NSUN6: variants seen among roughly 807,000 people sequenced by gnomAD.
The protein encoded by NSUN6 is NOP2/Sun RNA methyltransferase 6, also known as tRNA (cytosine(72)-C(5))-methyltransferase NSUN6.
Under a neutral mutation model 58.0 loss-of-function variants are expected in NSUN6, and 64 were observed. The ratio of observed to expected loss-of-function variants is 1.10; its 90% CI spans 0.90 to 1.36. NSUN6 has a LOEUF of 1.36. NSUN6 is among the 40% of genes most tolerant of loss of function. The pLI, the probability that NSUN6 is intolerant of heterozygous loss-of-function variation, is 0.00. For missense variants in NSUN6, 701 were observed against 550.1 expected (o/e 1.27, Z -2.74); for synonymous variants, 231 against 193.9 (o/e 1.19, Z -1.59).
intron 6 of NSUN6, among the ~76,000 whole-genome samples, chr10:18,602,600 C>T (rs1189209162): frequency 6.6e-6 from 1 of 151,906 alleles, no homozygotes; most frequent in African/African-American, 2.4e-5. Flanking sequence ...GAACTCCTGA[C>T]CTCAAGTGAT....
intron 3 of NSUN6, among the ~76,000 whole-genome samples, chr10:18,623,140 T>C (rs1025467368): frequency 3.3e-5 from 5 of 152,196 alleles, no homozygotes; most frequent in African/African-American, 1.2e-4. Flanking sequence ...AAAATTTTAT[T>C]TTAAATTTCA....
In NSUN6 at chr10:18,616,211, C is replaced by T; in HGVS notation, c.394G>A (p.Ala132Thr). 4 of 1,594,490 alleles carry T rather than the reference C, an allele frequency of 2.5e-6. No individual in the cohort carries two copies. Among genetic ancestry groups the T allele is most frequent in the Non-Finnish European group, 3.4e-6 (4 of 1,162,256 alleles). ...NAVLRGAHVY[A>T]PGIVSASQFM... ...TGTGATGCTGACACAATTCCTGGGG[C>T]ATAGACATGGGCTCCTCTTAAAACT... Residue 132 changes from alanine to threonine, a missense_variant, in exon 4 of 11, where the codon GCC becomes ACC. Transcript: ENST00000377304.
chr10:18,548,923 T>C (rs2054446520), intron 9 of NSUN6, among the ~76,000 whole-genome samples: 1 of 152,156 alleles, frequency 6.6e-6, no homozygotes, highest in South Asian at 2.1e-4. Flanking sequence ...GGCTCTACCT[T>C]CACATTCTAG....
intron 8 of NSUN6, among the ~76,000 whole-genome samples, 174 bp from the exon 9 acceptor site, chr10:18,552,145 ATGTGGTAGAAAGGTTT>A (rs1399548000): frequency 4.1e-5 from 6 of 147,670 alleles, no homozygotes; most frequent in African/African-American, 1.5e-4. Context: ...TACAGATTTG[ATGTGGTAGAAAGGTTT>A]AAAATGTAGT....
At chr10:18,620,083 T>C (rs1699780486) in intron 3 of NSUN6, among the ~76,000 whole-genome samples, 1 of 115,170 alleles carries the variant, frequency 8.7e-6, no homozygotes, top group Non-Finnish European at 1.8e-5. Flanking sequence ...TTTTTACTAA[T>C]AAAAAAAATT....
intron 8 of NSUN6, among the ~76,000 whole-genome samples, chr10:18,564,017 T>C (rs559153941): frequency 6.6e-6 from 1 of 150,858 alleles, no homozygotes; most frequent in Admixed American, 6.6e-5. Flanking sequence ...TTCCATTCTA[T>C]TCTCCATTAC....
chr10:18,651,233 G>T lies in NSUN6; in HGVS notation c.-30C>A. ...CCTGTTGTTTAGTTCTCCACCAAGAGAAATGCTGGAAAACGGTGTTTTGTT... is the reference window on the plus strand; with the variant it reads ...CCTGTTGTTTAGTTCTCCACCAAGATAAATGCTGGAAAACGGTGTTTTGTT... On this transcript the variant is annotated 5_prime_UTR_variant, in exon 1 of 11. Coordinates refer to ENST00000377304, the MANE Select transcript of NSUN6 (RefSeq NM_182543.5). 1.3e-6 allele frequency: 2 copies of T among 1,514,918 alleles called. No individual in the cohort carries two copies. Among genetic ancestry groups the T allele is most frequent in the Non-Finnish European group, 8.8e-7 (1 of 1,137,488 alleles). The allele number at this position is 1,514,918 out of a possible 1,614,324, so 93.8% of individuals were successfully genotyped here.
intron 7 of NSUN6, among the ~76,000 whole-genome samples, chr10:18,589,845 A>G (rs1290646443): frequency 6.6e-6 from 1 of 152,236 alleles, no homozygotes; most frequent in Non-Finnish European, 1.5e-5. Flanking sequence ...AAGAAACTGC[A>G]TCAACTAACG....
chr10:18,597,709 T>C (rs1043981967), intron 6 of NSUN6, among the ~76,000 whole-genome samples: 1 of 152,102 alleles, frequency 6.6e-6, no homozygotes, highest in African/African-American at 2.4e-5. Flanking sequence ...GAGTTTGCAG[T>C]GAGCAGAGAT....
intron 6 of NSUN6, among the ~76,000 whole-genome samples, chr10:18,609,634 AAGAT>A (rs2058162201): frequency 1.3e-5 from 2 of 152,334 alleles, no homozygotes; most frequent in South Asian, 4.1e-4. Flanking sequence ...TGGGCAAAGA[AAGAT>A]AGAAAAAGTA....
At chr10:18,618,998 C>T (rs12356125) in intron 3 of NSUN6, among the ~76,000 whole-genome samples, 7,373 of 152,162 alleles carry the variant, frequency 0.048, 275 homozygotes, top group Non-Finnish European at 0.077. Flanking sequence ...TGAACATGCC[C>T]GATCTCAGCT....
chr10:18,596,565 A>G (rs1358708387), intron 6 of NSUN6, among the ~76,000 whole-genome samples: 1 of 152,146 alleles, frequency 6.6e-6, no homozygotes, highest in African/African-American at 2.4e-5. Flanking sequence ...CACAATTTTC[A>G]AGTCAACTGA....
upstream of NSUN6, among the ~76,000 whole-genome samples, chr10:18,657,957 T>C (rs2059795833): frequency 1.4e-5 from 2 of 143,414 alleles, no homozygotes; most frequent in African/African-American, 2.6e-5. Flanking sequence ...TTTTCAGAAA[T>C]GGTTTCTTAG....
chr10:18,592,685 C>T (rs1589986708), intron 7 of NSUN6, among the ~76,000 whole-genome samples: 3 of 152,214 alleles, frequency 2.0e-5, no homozygotes, highest in African/African-American at 2.4e-5. Flanking sequence ...AGAAACTGCA[C>T]CCCTTCCTTA....
At chr10:18,639,220 T>A (rs2059319260) in intron 3 of NSUN6, among the ~76,000 whole-genome samples, 1 of 152,068 alleles carries the variant, frequency 6.6e-6, no homozygotes, top group African/African-American at 2.4e-5. Flanking sequence ...ATAGGCCGGG[T>A]GCGGTGGCTC....
intron 1 of NSUN6, 70 bp from the exon 2 acceptor site, chr10:18,648,715 T>G: frequency 2.4e-6 from 2 of 819,272 alleles, no homozygotes; most frequent in East Asian, 2.6e-5. Context: ...TATATATTAA[T>G]TCCATCTAAT....
intron 3 of NSUN6, among the ~76,000 whole-genome samples, chr10:18,637,275 T>C (rs190050445): frequency 6.6e-5 from 10 of 152,304 alleles, no homozygotes; most frequent in Admixed American, 2.0e-4. Flanking sequence ...TTTTCAGGAA[T>C]GAAATGTAGG....
chr10:18,559,340 T>G (rs1357723009), intron 8 of NSUN6, among the ~76,000 whole-genome samples: 1 of 143,892 alleles, frequency 6.9e-6, no homozygotes, highest in African/African-American at 2.6e-5. Flanking sequence ...GAATGGAGAA[T>G]TGATTGGAAT....
chr10:18,601,423 C>A (rs1030432026), intron 6 of NSUN6, among the ~76,000 whole-genome samples: 1 of 152,136 alleles, frequency 6.6e-6, no homozygotes, highest in African/African-American at 2.4e-5. Flanking sequence ...TGGATTTCAA[C>A]TTGAACCCTT....
Sources: allele counts gnomAD v4.1 joint callset (sites outside exome capture counted in the v4.1 genomes callset), GRCh38; gene constraint gnomAD v4.1.1; transcripts MANE v1.5; gene names NCBI Gene and HGNC (gene_info 2026-07-23, HGNC 2026-07-21).